Variants in MAN1A1 observed in about 807,000 individuals in gnomAD.
MAN1A1 encodes mannosidase alpha class 1A member 1, also known as mannosyl-oligosaccharide 1,2-alpha-mannosidase IA.
A neutral mutation model predicts 70.8 loss-of-function variants in MAN1A1; 29 were observed. That is an observed-to-expected ratio of 0.41 (90% CI 0.31 to 0.56). The LOEUF is 0.56. Among genes scored for constraint, MAN1A1 ranks in the 20% least tolerant of loss-of-function variants. MAN1A1 has a pLI of 0.29. For synonymous variants in MAN1A1, 349 were observed against 330.1 expected (o/e 1.06, Z -0.62); for missense variants, 747 against 841.3 (o/e 0.89, Z 1.39).
intron 6 of MAN1A1, among the ~76,000 whole-genome samples, chr6:119,223,417 A>AG (rs1332766245): frequency 3.3e-5 from 5 of 152,188 alleles, no homozygotes; most frequent in Non-Finnish European, 5.9e-5. Flanking sequence ...CTTAAAAAAA[A>AG]GTAACCTTAC....
At chr6:119,241,600 G>T (rs1775004712) in intron 6 of MAN1A1, among the ~76,000 whole-genome samples, 1 of 152,256 alleles carries the variant, frequency 6.6e-6, no homozygotes, top group South Asian at 2.1e-4. Context: ...TCTAAAGTTT[G>T]AGAAGCACTG....
chr6:119,322,354 T>G (rs1436940940), intron 2 of MAN1A1, among the ~76,000 whole-genome samples: 1 of 152,180 alleles, frequency 6.6e-6, no homozygotes, highest in Non-Finnish European at 1.5e-5. Flanking sequence ...CCTGCTCAGC[T>G]TAGACCAATT....
At chr6:119,180,514 A>G (rs1383549523) in intron 11 of MAN1A1, 87 bp from the exon 12 acceptor site, 2 of 748,226 alleles carry the variant, frequency 2.7e-6, no homozygotes, top group Non-Finnish European at 4.5e-6. Context: ...AAGTTCAGAT[A>G]AAACATTTTT....
rs773150644 is a variant in MAN1A1, at chr6:119,177,834, C to T, written c.*1985G>A. ...ACACAACCTGATTTTAATATTCTATCTGCTGCAGAAATACTTATCAGCTTT... is the reference window on the plus strand; with the variant it reads ...ACACAACCTGATTTTAATATTCTATTTGCTGCAGAAATACTTATCAGCTTT... On this transcript the variant is annotated 3_prime_UTR_variant, in exon 13 of 13. Transcript: ENST00000368468. 5.3e-5 allele frequency: 8 copies of T among 152,194 alleles called. No individual in the cohort carries two copies. Among genetic ancestry groups the T allele is most frequent in the Non-Finnish European group, 8.8e-5 (6 of 67,940 alleles). 9.4% of individuals were successfully genotyped at this position (152,194 alleles called of 1,614,324 possible).
intron 11 of MAN1A1, among the ~76,000 whole-genome samples, chr6:119,180,698 G>A (rs1773129761): frequency 6.6e-6 from 1 of 151,990 alleles, no homozygotes; most frequent in African/African-American, 2.4e-5. Flanking sequence ...ATTTTTTGTA[G>A]AGATAGGGTT....
Position 119,348,920 on chromosome 6 carries a change from C to G in MAN1A1, c.146G>C (p.Ser49Thr), listed in dbSNP as rs1024494433. The change falls in exon 2 of 13, where the codon AGC becomes ACC. Residue 49 changes from serine (S) to threonine (T), a missense_variant. By Grantham distance (58) the Ser-to-Thr change is moderately conservative. Around this residue, in one of 2 missense-constraint regions of MAN1A1, gnomAD observed 328 missense variants for 293.1 expected, o/e 1.12. Transcript: ENST00000368468. Reference protein sequence around the residue: ...TEKFVLLLVFSAFITLCFGAI... With the variant: ...TEKFVLLLVFTAFITLCFGAI... ...CCCGAAGCAGAGCGTGATGAAGGCG[C>G]TGAATACCAGCAGCAGCACGAACTT... 1 of 1,534,310 alleles carries G rather than the reference C, an allele frequency of 6.5e-7. No individual in the cohort carries two copies. Among genetic ancestry groups the G allele is most frequent in the Non-Finnish European group, 8.8e-7 (1 of 1,140,958 alleles).
intron 4 of MAN1A1, among the ~76,000 whole-genome samples, chr6:119,293,700 T>C (rs768005435): frequency 4.6e-5 from 7 of 152,134 alleles, no homozygotes; most frequent in Admixed American, 3.3e-4. Flanking sequence ...GGTTGTATTA[T>C]GTTTTTAGGC....
At chr6:119,304,173 AAC>A (rs1457676738) in intron 3 of MAN1A1, among the ~76,000 whole-genome samples, 3 of 152,240 alleles carry the variant, frequency 2.0e-5, no homozygotes, top group Admixed American at 6.5e-5. Flanking sequence ...AGAATATTAA[AAC>A]ACTTGATTTT....
intron 11 of MAN1A1, among the ~76,000 whole-genome samples, chr6:119,181,571 G>C (rs746409628): frequency 1.3e-5 from 2 of 151,840 alleles, no homozygotes; most frequent in Non-Finnish European, 2.9e-5. Flanking sequence ...TTGGAAAACA[G>C]ATGGGTTGGG....
chr6:119,208,876 C>G (rs1773961639), intron 6 of MAN1A1, among the ~76,000 whole-genome samples: 1 of 152,128 alleles, frequency 6.6e-6, no homozygotes, highest in South Asian at 2.1e-4. Context: ...AGCCAGCCCA[C>G]TTGGGTTCAG....
Position 119,222,502 on chromosome 6 carries a change from G to GT in MAN1A1, c.993-17621dup, listed in dbSNP as rs35373200. The stretch of plus-strand genomic sequence containing the variant: ...CCACCATGGCTGGCTAATTTTTTAA[G>GT]TTTTTATAGAGACAAGGTCTTGCTA... On this transcript the variant is annotated intron_variant, in intron 6 of 12. Transcript: ENST00000368468. Among the ~76,000 whole-genome samples, 1,399 of 151,446 alleles carry GT rather than the reference G, an allele frequency of 9.2e-3. 39 individuals are homozygous for GT. Among genetic ancestry groups the GT allele is most frequent in the East Asian group, 0.031 (158 of 5,128 alleles).
intron 2 of MAN1A1, among the ~76,000 whole-genome samples, chr6:119,324,147 G>A (rs1562242538): frequency 1.3e-5 from 2 of 152,094 alleles, no homozygotes; most frequent in Admixed American, 1.3e-4. Context: ...ACCTCTGCCT[G>A]AGACAGCATG....
At chr6:119,261,883 T>C (rs1490100999) in intron 5 of MAN1A1, among the ~76,000 whole-genome samples, 1 of 152,202 alleles carries the variant, frequency 6.6e-6, no homozygotes, top group Non-Finnish European at 1.5e-5. Context: ...ATTAGATTTG[T>C]TGAAAAGGAC....
At chr6:119,248,009 T>C (rs1775215151) in intron 6 of MAN1A1, among the ~76,000 whole-genome samples, 1 of 152,174 alleles carries the variant, frequency 6.6e-6, no homozygotes, top group African/African-American at 2.4e-5. Flanking sequence ...TATGAAACAG[T>C]GTAAACCTCC....
intron 5 of MAN1A1, among the ~76,000 whole-genome samples, chr6:119,275,123 T>C (rs1013474194): frequency 2.6e-5 from 4 of 151,912 alleles, no homozygotes; most frequent in African/African-American, 9.7e-5. Flanking sequence ...TTCATTTTTT[T>C]TTTTTGAGAC....
chr6:119,308,819 A>C (rs1772602419), intron 2 of MAN1A1, among the ~76,000 whole-genome samples: 1 of 152,192 alleles, frequency 6.6e-6, no homozygotes, highest in Admixed American at 6.5e-5. Flanking sequence ...ATACTTTATA[A>C]ATTCAAAAGC....
chr6:119,196,833 A>C (rs921757884), intron 8 of MAN1A1, among the ~76,000 whole-genome samples: 2 of 152,208 alleles, frequency 1.3e-5, no homozygotes, highest in Non-Finnish European at 2.9e-5. Flanking sequence ...AGATAGATGG[A>C]TGGCTGTTAT....
chr6:119,313,196 C>T (rs1306756678), intron 2 of MAN1A1, among the ~76,000 whole-genome samples: 1 of 152,172 alleles, frequency 6.6e-6, no homozygotes, highest in African/African-American at 2.4e-5. Flanking sequence ...TGTGACTCCG[C>T]CTTCACAAAG....
At chr6:119,261,615 T>G (rs954871625) in intron 5 of MAN1A1, among the ~76,000 whole-genome samples, 21 of 152,162 alleles carry the variant, frequency 1.4e-4, no homozygotes, top group African/African-American at 4.3e-4. Flanking sequence ...CTATGAATAC[T>G]CCACAAGGTA....
Sources: allele counts gnomAD v4.1 joint callset (sites outside exome capture counted in the v4.1 genomes callset), GRCh38; gene constraint gnomAD v4.1.1; regional missense constraint gnomAD v4.1.1; transcripts MANE v1.5; gene names NCBI Gene and HGNC (gene_info 2026-07-23, HGNC 2026-07-21).